Variants in RARB observed in about 807,000 individuals in gnomAD.
The protein encoded by RARB is retinoic acid receptor beta, also known as HBV-activated protein.
A neutral mutation model predicts 51.9 loss-of-function variants in RARB; 17 were observed. That is an observed-to-expected ratio of 0.33 (90% confidence interval 0.22 to 0.49). The LOEUF (loss-of-function observed/expected upper bound fraction) is 0.49. Among genes scored for constraint, RARB ranks in the 20% least tolerant of loss-of-function variants. RARB has a pLI of 0.99. For synonymous variants in RARB, 215 were observed against 195.4 expected (o/e 1.10, Z -0.84); for missense variants, 369 against 550.8 (o/e 0.67, Z 3.30).
intron 5 of RARB, among the ~76,000 whole-genome samples, chr3:25,200,028 T>G (rs1374898467): frequency 6.6e-6 from 1 of 152,212 alleles, no homozygotes; most frequent in Admixed American, 6.5e-5. Context: ...CACACTGTCT[T>G]CCACAATGGT....
chr3:25,594,700 A>G, intron 7 of RARB, 22 bp downstream of exon 7: 1 of 1,570,758 alleles, frequency 6.4e-7, no homozygotes. Flanking sequence ...TGCTCTCAGT[A>G]CTGTAGTCAC....
chr3:25,048,980 C>G (rs1425023524), intron 2 of RARB, among the ~76,000 whole-genome samples: 1 of 152,112 alleles, frequency 6.6e-6, no homozygotes, highest in Non-Finnish European at 1.5e-5. Flanking sequence ...TCTCGATCTC[C>G]TGACCTTGTG....
At chr3:25,536,798 A>G (rs1363050887) in intron 3 of RARB, among the ~76,000 whole-genome samples, 1 of 152,222 alleles carries the variant, frequency 6.6e-6, no homozygotes, top group Non-Finnish European at 1.5e-5. Context: ...TTGTGGGGTA[A>G]GTGGCAGAGG....
intron 3 of RARB, among the ~76,000 whole-genome samples, chr3:25,503,104 T>TTGGCCACA (rs3074706): frequency 0.57 from 86,631 of 151,550 alleles, 28,040 homozygotes; most frequent in African/African-American, 0.9. Context: ...CATGGGTCAC[T>TTGGCCACA]TTTCATCCAG....
intron 1 of RARB, among the ~76,000 whole-genome samples, chr3:25,430,960 T>G (rs1197899157): frequency 6.6e-6 from 1 of 151,854 alleles, no homozygotes; most frequent in Non-Finnish European, 1.5e-5. Context: ...ACGATTTTTT[T>G]TTTTTTTTAG....
chr3:24,922,819 T>A (rs981265365), intron 2 of RARB, among the ~76,000 whole-genome samples: 1 of 152,036 alleles, frequency 6.6e-6, no homozygotes, highest in Non-Finnish European at 1.5e-5. Flanking sequence ...CTGCCAAACA[T>A]CTCTCTCTGA....
At chr3:24,970,077 T>A (rs990594161) in intron 2 of RARB, among the ~76,000 whole-genome samples, 8 of 152,058 alleles carry the variant, frequency 5.3e-5, no homozygotes, top group African/African-American at 1.9e-4. Context: ...AGGTCTCTGA[T>A]TAAATGACTC....
At chr3:24,954,898 C>T (rs1000552591) in intron 2 of RARB, among the ~76,000 whole-genome samples, 1 of 152,056 alleles carries the variant, frequency 6.6e-6, no homozygotes, top group Non-Finnish European at 1.5e-5. Context: ...TTGCAGGAGC[C>T]AGGGGAGTGT....
chr3:24,922,693 T>A (rs1005893845), intron 2 of RARB, among the ~76,000 whole-genome samples: 1 of 151,864 alleles, frequency 6.6e-6, no homozygotes, highest in African/African-American at 2.4e-5. Flanking sequence ...CAGAGGTTGA[T>A]CAAGGGAAAG....
chr3:25,332,624 G>A (rs1253571543), intron 5 of RARB, among the ~76,000 whole-genome samples: 3 of 152,184 alleles, frequency 2.0e-5, no homozygotes. Context: ...ACAAGACAGG[G>A]ATGACCTCTC....
intron 2 of RARB, among the ~76,000 whole-genome samples, chr3:24,875,506 T>A (rs1329765203): frequency 6.6e-6 from 1 of 152,148 alleles, no homozygotes; most frequent in Admixed American, 6.5e-5. Context: ...GAGAATTGAA[T>A]AAATTAATGC....
At chr3:24,927,032 C>T (rs1695335148) in intron 2 of RARB, among the ~76,000 whole-genome samples, 1 of 152,052 alleles carries the variant, frequency 6.6e-6, no homozygotes, top group Admixed American at 6.6e-5. Context: ...GAATGGTTTC[C>T]TGTCATCTAT....
At chr3:25,287,193 A>G (rs112045827) in intron 5 of RARB, among the ~76,000 whole-genome samples, 21 of 152,352 alleles carry the variant, frequency 1.4e-4, no homozygotes, top group African/African-American at 2.9e-4. Flanking sequence ...TTAACAACCT[A>G]TGGTGCTTGT....
chr3:24,890,276 A>G (rs1012963594), intron 2 of RARB, among the ~76,000 whole-genome samples: 1 of 152,148 alleles, frequency 6.6e-6, no homozygotes, highest in African/African-American at 2.4e-5. Flanking sequence ...CTAAGCCTCA[A>G]CCTGTGTGTA....
At chr3:24,910,050 T>C (rs1694958226) in intron 2 of RARB, among the ~76,000 whole-genome samples, 1 of 152,190 alleles carries the variant, frequency 6.6e-6, no homozygotes, top group African/African-American at 2.4e-5. Flanking sequence ...ATGTTACCAT[T>C]TTATTTAATT....
In RARB at chr3:25,227,459, A is replaced by G. The variant is rs1040919960; in HGVS notation, c.178+52884A>G. ...TCTGCCAAAATTCACAATTGAGACT[A>G]TATTACATATATATTTCCACAACTA... is the stretch of plus-strand genomic sequence containing the variant. On this transcript the variant is annotated intron_variant, in intron 5 of 11. Coordinates refer to the RARB transcript ENST00000383772. Among the ~76,000 whole-genome samples the G allele has an allele frequency of 2.0e-5, 3 of 152,154 alleles. No individual in the cohort carries two copies. In the East Asian group the frequency reaches 5.8e-4, roughly 29 times the overall value.
chr3:24,998,069 T>C (rs1379621161), intron 2 of RARB, among the ~76,000 whole-genome samples: 1 of 152,186 alleles, frequency 6.6e-6, no homozygotes, highest in Non-Finnish European at 1.5e-5. Flanking sequence ...ATAGACTGTT[T>C]ACTGCTAGAT....
At position 25,136,086 on chromosome 3, in the gene RARB, T is replaced by C. The variant is rs573982303; in HGVS notation, c.-280+3878T>C. Among the ~76,000 whole-genome samples, 13 of 152,080 alleles carry C rather than the reference T, an allele frequency of 8.5e-5. No homozygotes were observed. The South Asian group carries it at 2.7e-3, about 32-fold the overall frequency. ...TAGCAGCACTCATTTCTGACTCCTC[T>C]TAGAATATAAGAATAACGTGCTGTC... On this transcript the variant is annotated intron_variant, in intron 4 of 11. Coordinates refer to the RARB transcript ENST00000383772.
At chr3:25,160,300 T>G (rs1456821447) in intron 4 of RARB, among the ~76,000 whole-genome samples, 1 of 152,240 alleles carries the variant, frequency 6.6e-6, no homozygotes, top group Admixed American at 6.5e-5. Context: ...TTTTAAAGAC[T>G]TTTCTAGGAA....
Sources: allele counts gnomAD v4.1 joint callset (sites outside exome capture counted in the v4.1 genomes callset), GRCh38; gene constraint gnomAD v4.1.1; transcripts MANE v1.5; gene names NCBI Gene and HGNC (gene_info 2026-07-23, HGNC 2026-07-21).